Variants in DNM1L observed in about 807,000 individuals in gnomAD.
DNM1L encodes dynamin 1L, also known as dynamin-1-like protein.
DNM1L carries 33 observed loss-of-function variants against 92.8 expected under a neutral mutation model. The observed-to-expected ratio is 0.36, with a 90% CI of 0.27 to 0.48. DNM1L has a LOEUF of 0.48. DNM1L is among the 20% of genes least tolerant of loss of function. DNM1L has a pLI of 0.99. For missense variants in DNM1L, 485 were observed against 888.8 expected, an observed-to-expected ratio of 0.55 and a Z score of 5.78; for synonymous variants, 284 against 305.0, an observed-to-expected ratio of 0.93 and a Z score of 0.72.
intron 18 of DNM1L, among the ~76,000 whole-genome samples, chr12:32,741,548 G>C (rs1955292694): frequency 6.6e-6 from 1 of 152,226 alleles, no homozygotes; most frequent in African/African-American, 2.4e-5. Flanking sequence ...GCCTCCCAAA[G>C]TGCTGGGATT....
At chr12:32,686,061 T>TTC (rs1297315318) in intron 1 of DNM1L, among the ~76,000 whole-genome samples, 7 of 146,574 alleles carry the variant, frequency 4.8e-5, no homozygotes, top group African/African-American at 1.8e-4. Flanking sequence ...TTTTTTTTTT[T>TTC]TTTTTTGAGA....
intron 1 of DNM1L, among the ~76,000 whole-genome samples, chr12:32,685,359 C>CTTTTT (rs71298052): frequency 1.6e-5 from 2 of 124,448 alleles, no homozygotes; most frequent in East Asian, 2.5e-4. Context: ...GTGGCTGCAC[C>CTTTTT]TTTTTTTTTT....
At chr12:32,692,318 G>A (rs150199113) in intron 1 of DNM1L, among the ~76,000 whole-genome samples, 1 of 152,260 alleles carries the variant, frequency 6.6e-6, no homozygotes, top group Non-Finnish European at 1.5e-5. Context: ...TAGTTTGAAT[G>A]TCTGGAATTT....
chr12:32,732,093 A>T (rs1181633587), intron 12 of DNM1L, 150 bp downstream of exon 12: 3 of 657,908 alleles, frequency 4.6e-6, no homozygotes, highest in Non-Finnish European at 7.9e-6. Flanking sequence ...GTTGAGTTTC[A>T]GTCTCATTTT....
intron 13 of DNM1L, among the ~76,000 whole-genome samples, chr12:32,735,281 G>A (rs1481963784): frequency 6.6e-6 from 1 of 152,040 alleles, no homozygotes; most frequent in African/African-American, 2.4e-5. Context: ...TAACAGATTA[G>A]GACACTAGGG....
At chr12:32,689,853 C>G (rs1952167165) in intron 1 of DNM1L, among the ~76,000 whole-genome samples, 1 of 152,106 alleles carries the variant, frequency 6.6e-6, no homozygotes, top group South Asian at 2.1e-4. Flanking sequence ...AATATAAATT[C>G]AAAACACTAA....
At chr12:32,687,484 C>T (rs1356721126) in intron 1 of DNM1L, among the ~76,000 whole-genome samples, 2 of 152,260 alleles carry the variant, frequency 1.3e-5, no homozygotes, top group Non-Finnish European at 2.9e-5. Flanking sequence ...ACTCTGTCAC[C>T]CAGGCTGGAG....
intron 1 of DNM1L, among the ~76,000 whole-genome samples, chr12:32,699,688 G>A (rs1341857638): frequency 6.6e-6 from 1 of 151,674 alleles, no homozygotes; most frequent in African/African-American, 2.4e-5. Flanking sequence ...CAGCTACTTG[G>A]GAGGCTGAGG....
At chr12:32,717,214 A>ATATTTT (rs1953437444) in intron 6 of DNM1L, among the ~76,000 whole-genome samples, 1 of 112,830 alleles carries the variant, frequency 8.9e-6, no homozygotes, top group African/African-American at 3.5e-5. Context: ...TATACTATAA[A>ATATTTT]ATATATAGTA....
chr12:32,708,026 A>G, intron 3 of DNM1L, 127 bp from the exon 4 acceptor site: 6 of 611,700 alleles, frequency 9.8e-6, no homozygotes, highest in Middle Eastern at 2.9e-4. Flanking sequence ...ATATGTATAC[A>G]TTAGAATTTT....
At position 32,685,582 on chromosome 12, in the gene DNM1L, C is replaced by T. The variant is rs548780212; in HGVS notation, c.102+6117C>T. 4.0e-5 allele frequency among the ~76,000 whole-genome samples: 6 copies of T among 151,812 alleles called. No homozygotes were observed. The South Asian group carries it at 8.3e-4, about 21-fold the overall frequency. On this transcript the variant is annotated intron_variant, in intron 1 of 19. Coordinates refer to ENST00000549701, the MANE Select transcript of DNM1L (RefSeq NM_012062.5). ...TTCCTTATATTGGTCAGGCTGGTCTCGAACTCCTGACCTCAAATGATCCAC... is the reference window on the plus strand; with the variant it reads ...TTCCTTATATTGGTCAGGCTGGTCTTGAACTCCTGACCTCAAATGATCCAC...
chr12:32,737,398 TTAAGCATC>T, intron 14 of DNM1L: 1 of 497,256 alleles, frequency 2.0e-6, no homozygotes, highest in Non-Finnish European at 3.6e-6. Flanking sequence ...ATTTAAGCAT[TTAAGCATC>T]AAGCTTTTTA....
chr12:32,686,113 C>T (rs1475035759), intron 1 of DNM1L, among the ~76,000 whole-genome samples: 12 of 137,772 alleles, frequency 8.7e-5, no homozygotes, highest in East Asian at 2.1e-4. Context: ...TGCAATGGCG[C>T]GATCTCGGCT....
chr12:32,732,193 A>G (rs1048362366), intron 12 of DNM1L, among the ~76,000 whole-genome samples: 4 of 152,178 alleles, frequency 2.6e-5, no homozygotes, highest in African/African-American at 9.7e-5. Flanking sequence ...TTTTCTTGAA[A>G]ATAGATTTAT....
rs1391820667 is a variant in DNM1L at position 32,737,134 on chromosome 12, A to G, written c.1569A>G (p.Glu523=). Residue 523 remains glutamate (E), a synonymous_variant, in exon 14 of 20, where the codon GAA becomes GAG. Coordinates refer to ENST00000549701, the MANE Select transcript of DNM1L (RefSeq NM_012062.5). ...AAAGGAGAAACAGGCTAGCCAGAGAATTACCTTCAGCTGTATCACGAGACA... is the reference window on the plus strand; with the variant it reads ...AAAGGAGAAACAGGCTAGCCAGAGAGTTACCTTCAGCTGTATCACGAGACA... ...EEQRRNRLAR[E]LPSAVSRDKS... 6.2e-7 allele frequency: 1 copy of G among 1,613,786 alleles called. No homozygotes were observed. Among genetic ancestry groups the G allele is most frequent in the African/African-American group, 1.3e-5 (1 of 75,046 alleles).
Position 32,731,908 on chromosome 12 carries a change from C to T in DNM1L, c.1411C>T (p.Leu471Phe). The change falls in exon 12 of 20, where the codon CTT becomes TTT. Residue 471 changes from leucine to phenylalanine, a missense_variant. Physicochemically the swap from Leu to Phe is conservative, Grantham distance 22. This residue lies in a region of DNM1L where 28 missense variants were observed against 65.1 expected (regional missense o/e 0.43). Coordinates refer to ENST00000549701, the MANE Select transcript of DNM1L (RefSeq NM_012062.5). The surrounding 1 kb of genome is among the most constrained non-coding windows in gnomAD (Gnocchi z 5.1). ...HDAIVEVVTC[L>F]LRKRLPVTNE... The stretch of plus-strand genomic sequence containing the variant: ...TGCCATAGTTGAAGTGGTGACTTGT[C>T]TTCTTCGTAAAAGGTTGCCTGTTAC... 1 of 1,613,840 alleles carries T rather than the reference C, an allele frequency of 6.2e-7. No individual in the cohort carries two copies. Among genetic ancestry groups the T allele is most frequent in the Non-Finnish European group, 8.5e-7 (1 of 1,179,842 alleles).
chr12:32,695,184 CAA>C (rs957000266), intron 1 of DNM1L, among the ~76,000 whole-genome samples: 5 of 152,080 alleles, frequency 3.3e-5, no homozygotes, highest in African/African-American at 1.2e-4. Flanking sequence ...ATGAAAACAA[CAA>C]GAGGGATTTT....
chr12:32,692,193 T>A (rs1040268042), intron 1 of DNM1L, among the ~76,000 whole-genome samples: 4 of 152,236 alleles, frequency 2.6e-5, no homozygotes, highest in African/African-American at 9.6e-5. Flanking sequence ...TTCTATAGAA[T>A]AAGATTTACA....
intron 1 of DNM1L, among the ~76,000 whole-genome samples, chr12:32,695,505 C>A (rs762853777): frequency 1.3e-5 from 2 of 152,214 alleles, no homozygotes; most frequent in African/African-American, 4.8e-5. Flanking sequence ...CATGGTGGCT[C>A]ACACCTGTAA....
Sources: gnomAD v4.1 joint callset for allele counts (sites outside exome capture counted in the v4.1 genomes callset) on GRCh38, gnomAD v4.1.1 for gene constraint, gnomAD v4.1.1 regional missense constraint, Gnocchi (gnomAD v3.1) non-coding constraint, MANE v1.5 for transcripts, NCBI Gene and HGNC (gene_info 2026-07-23, HGNC 2026-07-21) for gene names.